The following EIF3E variants were observed in gnomAD, a reference collection of about 807,000 sequenced individuals.
EIF3E encodes the protein eukaryotic translation initiation factor 3 subunit E, also known as eIF-3 p48.
EIF3E carries 25 observed loss-of-function variants against 59.3 expected under a neutral mutation model. The ratio of observed to expected loss-of-function variants is 0.42; its 90% confidence interval spans 0.31 to 0.59. The LOEUF (loss-of-function observed/expected upper bound fraction) is 0.59, where lower values mean the gene tolerates loss of function less well. EIF3E is among the 20% of genes least tolerant of loss of function. The pLI is 0.15. For missense variants in EIF3E, 317 were observed against 534.3 expected (o/e 0.59, Z 4.01); for synonymous variants, 176 against 170.2 (o/e 1.03, Z -0.26).
chr8:108,208,181 G>T lies in EIF3E; in HGVS notation c.1062-4678C>A, dbSNP rs141071854. Reference sequence around the variant, plus strand: ...AAACACTTGGAAAAATAAGGCCTGGGGATCTGATATTTCACCTGTCTTATT... The same window carrying T: ...AAACACTTGGAAAAATAAGGCCTGGTGATCTGATATTTCACCTGTCTTATT... On this transcript the variant is annotated intron_variant, in intron 10 of 12. Coordinates refer to ENST00000220849, the MANE Select transcript of EIF3E (RefSeq NM_001568.3). 2.3e-3 allele frequency among the ~76,000 whole-genome samples: 343 copies of T among 152,092 alleles called. 6 individuals carry two copies. Among genetic ancestry groups the T allele is most frequent in the Admixed American group, 0.018 (281 of 15,260 alleles).
intron 5 of EIF3E, chr8:108,234,780 G>T: frequency 1.2e-5 from 4 of 336,610 alleles, no homozygotes; most frequent in Non-Finnish European, 2.1e-5. Flanking sequence ...GGATTTCAAG[G>T]ACAAGTTAAA....
chr8:108,203,390 A>G lies in EIF3E; in HGVS notation c.1164+11T>C, dbSNP rs758314339. The G allele has an allele frequency of 1.9e-6, 3 of 1,606,848 alleles. No homozygotes were observed. Among genetic ancestry groups the G allele is most frequent in the East Asian group, 2.2e-5 (1 of 44,768 alleles). ...ACTGATAGTATGTAGCATAGCTAAC[A>G]TAATACTCACTAATTTAGAATCAAT... is the stretch of plus-strand genomic sequence containing the variant. On this transcript the variant is annotated intron_variant, in intron 11 of 12. Coordinates refer to ENST00000220849, the MANE Select transcript of EIF3E (RefSeq NM_001568.3).
Position 108,204,345 on chromosome 8 carries a change from T to C in EIF3E, c.1062-842A>G, listed in dbSNP as rs78942065. ...GTGGATAAAGTAAATCTGGTATATATAAACCATGGAATACTACTCAGCCAT... is the reference window on the plus strand; with the variant it reads ...GTGGATAAAGTAAATCTGGTATATACAAACCATGGAATACTACTCAGCCAT... On this transcript the variant is annotated intron_variant, in intron 10 of 12. Coordinates refer to ENST00000220849, the MANE Select transcript of EIF3E (RefSeq NM_001568.3). Among the ~76,000 whole-genome samples, 1,326 of 152,116 alleles carry C rather than the reference T, an allele frequency of 8.7e-3. 17 individuals carry two copies. Among genetic ancestry groups the C allele is most frequent in the African/African-American group, 0.03 (1,233 of 41,526 alleles).
Position 108,245,552 on chromosome 8 carries a change from C to G in EIF3E, c.90+3061G>C, listed in dbSNP as rs117123683. ...GCATTATCTCATGTAATTTTTCTAACCCGATGAGATTGGTGGTAGTATTAA... is the reference window on the plus strand; with the variant it reads ...GCATTATCTCATGTAATTTTTCTAAGCCGATGAGATTGGTGGTAGTATTAA... On this transcript the variant is annotated intron_variant, in intron 1 of 12. Transcript: ENST00000220849. Among the ~76,000 whole-genome samples, 45 of 152,136 alleles carry G rather than the reference C, an allele frequency of 3.0e-4. No homozygotes were observed. The East Asian group carries it at 8.7e-3, about 29-fold the overall frequency.
At chr8:108,210,578 G>A (rs925606846) in intron 10 of EIF3E, among the ~76,000 whole-genome samples, 15 of 152,034 alleles carry the variant, frequency 9.9e-5, no homozygotes, top group South Asian at 2.1e-4. Flanking sequence ...ACATAAATAC[G>A]TATTATTTCC....
intron 5 of EIF3E, chr8:108,233,635 A>G: frequency 2.5e-6 from 1 of 404,394 alleles, no homozygotes; most frequent in South Asian, 1.7e-5. Flanking sequence ...TCAGGCCAGG[A>G]GTTTGAGATC....
intron 1 of EIF3E, among the ~76,000 whole-genome samples, chr8:108,246,851 G>C (rs903315103): frequency 6.6e-6 from 1 of 151,978 alleles, no homozygotes; most frequent in African/African-American, 2.4e-5. Flanking sequence ...ATTTTCTCTA[G>C]CTTACTTTAT....
intron 10 of EIF3E, among the ~76,000 whole-genome samples, chr8:108,207,627 A>T (rs1444706004): frequency 6.6e-6 from 1 of 152,230 alleles, no homozygotes; most frequent in East Asian, 1.9e-4. Flanking sequence ...TTACACTAAA[A>T]ATCTCAACCT....
Position 108,238,175 on chromosome 8 carries a change from G to A in EIF3E, c.323+1783C>T, listed in dbSNP as rs118103447. Among the ~76,000 whole-genome samples the A allele has an allele frequency of 6.0e-3, 917 of 152,270 alleles. 1 individual carries two copies. Among genetic ancestry groups the A allele is most frequent in the Non-Finnish European group, 9.6e-3 (655 of 68,026 alleles). On this transcript the variant is annotated intron_variant, in intron 3 of 12. Coordinates refer to ENST00000220849, the MANE Select transcript of EIF3E (RefSeq NM_001568.3). ...CTTTGTAATCACCTACATGTGACCT[G>A]AAGATCTAAAATTACTTCTTCTAAA...
intron 5 of EIF3E, among the ~76,000 whole-genome samples, chr8:108,230,369 T>C (rs560388641): frequency 1.3e-5 from 2 of 152,270 alleles, no homozygotes; most frequent in East Asian, 3.9e-4. Flanking sequence ...TATCACCTGA[T>C]ACAGAATAAG....
Position 108,239,985 on chromosome 8 carries a change from T to C in EIF3E, c.296A>G (p.Glu99Gly). The change falls in exon 3 of 13, where the codon GAA (glutamate) becomes GGA (glycine). Residue 99 changes from glutamate (E) to glycine (G), a missense_variant. Around this residue, in one of 4 missense-constraint regions of EIF3E, gnomAD observed 242 missense variants for 398.0 expected, o/e 0.61. Coordinates refer to ENST00000220849, the MANE Select transcript of EIF3E (RefSeq NM_001568.3). ...EPIVKMFEDPETTRQMQSTRD... is the reference protein window; with the variant it reads ...EPIVKMFEDPGTTRQMQSTRD... ...GGTTGACTGCATTTGCCTTGTAGTTTCTGGATCTTCAAACATCTTCACAAT... is the reference window on the plus strand; with the variant it reads ...GGTTGACTGCATTTGCCTTGTAGTTCCTGGATCTTCAAACATCTTCACAAT... 6.2e-7 allele frequency: 1 copy of C among 1,614,064 alleles called. No individual in the cohort carries two copies. The highest frequency in any genetic ancestry group is 8.5e-7 in the Non-Finnish European group (1 of 1,179,946).
At chr8:108,225,773 A>T (rs1006822257) in intron 7 of EIF3E, among the ~76,000 whole-genome samples, 3 of 151,518 alleles carry the variant, frequency 2.0e-5, no homozygotes, top group Non-Finnish European at 1.5e-5. Context: ...AGCACATCAC[A>T]ACAGACTGCA....
chr8:108,230,305 G>A (rs1049454858), intron 5 of EIF3E, among the ~76,000 whole-genome samples: 11 of 152,092 alleles, frequency 7.2e-5, no homozygotes, highest in African/African-American at 2.7e-4. Flanking sequence ...CATGGGGATA[G>A]AACCCACCTC....
chr8:108,242,640 A>C (rs1815860053), intron 1 of EIF3E: 1 of 1,162,082 alleles, frequency 8.6e-7, no homozygotes, highest in African/African-American at 1.6e-5. Context: ...AGGTGGTCAA[A>C]GGGTATTTAG....
At chr8:108,224,598 G>A (rs749714294) in intron 7 of EIF3E, among the ~76,000 whole-genome samples, 3 of 151,584 alleles carry the variant, frequency 2.0e-5, no homozygotes, top group Non-Finnish European at 4.4e-5. Flanking sequence ...CCTATAGCAA[G>A]TGAAAACAGT....
At chr8:108,213,852 C>T (rs1003016265) in intron 10 of EIF3E, among the ~76,000 whole-genome samples, 9 of 152,112 alleles carry the variant, frequency 5.9e-5, no homozygotes, top group Admixed American at 2.6e-4. Context: ...CTTCAACGGA[C>T]GGCCCACTAA....
chr8:108,224,769 CAGTT>C (rs1815488340), intron 7 of EIF3E, among the ~76,000 whole-genome samples: 1 of 151,410 alleles, frequency 6.6e-6, no homozygotes, highest in South Asian at 2.1e-4. Flanking sequence ...TTATATCACT[CAGTT>C]AAGTTACTAA....
At chr8:108,211,554 T>C (rs1469510167) in intron 10 of EIF3E, among the ~76,000 whole-genome samples, 1 of 152,244 alleles carries the variant, frequency 6.6e-6, no homozygotes, top group East Asian at 1.9e-4. Flanking sequence ...GTCTGTTCAC[T>C]CTGATGGTAG....
At chr8:108,216,218 T>C (rs1353173920) in intron 9 of EIF3E, among the ~76,000 whole-genome samples, 194 bp downstream of exon 9, 1 of 152,198 alleles carries the variant, frequency 6.6e-6, no homozygotes, top group Non-Finnish European at 1.5e-5. Flanking sequence ...ATTCCCATTT[T>C]AAGATTAATA....
Sources: gnomAD v4.1 joint callset for allele counts (sites outside exome capture counted in the v4.1 genomes callset) on GRCh38, gnomAD v4.1.1 for gene constraint, gnomAD v4.1.1 regional missense constraint, MANE v1.5 for transcripts, NCBI Gene and HGNC (gene_info 2026-07-23, HGNC 2026-07-21) for gene names.